Variants in C14orf39 observed in about 807,000 individuals in gnomAD.
The protein encoded by C14orf39 is chromosome 14 open reading frame 39, also known as protein SIX6OS1.
Under a neutral mutation model 85.6 loss-of-function variants are expected in C14orf39, and 66 were observed. The ratio of observed to expected loss-of-function variants is 0.77; its 90% CI spans 0.63 to 0.95. The LOEUF is 0.95. Ranked by LOEUF, C14orf39 falls within the 40% of genes least tolerant of loss-of-function variation. The pLI, the probability that C14orf39 is intolerant of heterozygous loss-of-function variation, is 0.00. For missense variants in C14orf39, 735 were observed against 663.9 expected, an observed-to-expected ratio of 1.11 and a Z score of -1.18; for synonymous variants, 242 against 214.0, an observed-to-expected ratio of 1.13 and a Z score of -1.14.
At chr14:60,510,150 G>A (rs1893268870) in intron 1 of C14orf39, among the ~76,000 whole-genome samples, 1 of 152,180 alleles carries the variant, frequency 6.6e-6, no homozygotes, top group Admixed American at 6.5e-5. Flanking sequence ...TGCCGGCTCT[G>A]CTTCCCCACC....
intron 1 of C14orf39, chr14:60,511,799 CTTAA>C (rs2140190363): frequency 6.2e-6 from 1 of 161,354 alleles, no homozygotes; most frequent in Non-Finnish European, 1.4e-5. Flanking sequence ...GGGCAACCTT[CTTAA>C]TTAAGGGAGC....
At chr14:60,446,399 C>T (rs1041065848) in intron 16 of C14orf39, among the ~76,000 whole-genome samples, 1 of 152,084 alleles carries the variant, frequency 6.6e-6, no homozygotes, top group Non-Finnish European at 1.5e-5. Flanking sequence ...TACAAAGTAC[C>T]ATCAGAGAAT....
intron 17 of C14orf39, 136 bp from the exon 18 acceptor site, chr14:60,437,183 T>C (rs558815948): frequency 7.9e-4 from 484 of 615,310 alleles, no homozygotes; most frequent in African/African-American, 4.2e-3. Flanking sequence ...AGGTATTTAA[T>C]TGTATTCCTC....
intron 1 of C14orf39, among the ~76,000 whole-genome samples, chr14:60,502,063 G>T (rs1893156014): frequency 6.6e-6 from 1 of 152,172 alleles, no homozygotes; most frequent in Admixed American, 6.5e-5. Flanking sequence ...GGAAGTCCTT[G>T]CTCTACTGCT....
At chr14:60,460,379 A>G (rs1022669837) in intron 13 of C14orf39, among the ~76,000 whole-genome samples, 1 of 151,816 alleles carries the variant, frequency 6.6e-6, no homozygotes, top group Non-Finnish European at 1.5e-5. Flanking sequence ...CCCAGAAGGA[A>G]TATCTGTGTG....
At chr14:60,452,928 C>CT (rs1435622281) in intron 16 of C14orf39, among the ~76,000 whole-genome samples, 1 of 152,136 alleles carries the variant, frequency 6.6e-6, no homozygotes, top group African/African-American at 2.4e-5. Context: ...AGAACATACT[C>CT]TGATTTCAAT....
chr14:60,473,495 T>C (rs1892208214), intron 5 of C14orf39, among the ~76,000 whole-genome samples: 2 of 152,182 alleles, frequency 1.3e-5, no homozygotes, highest in Non-Finnish European at 2.9e-5. Context: ...ATGACCTGAA[T>C]GGTATTGCCT....
At chr14:60,469,065 C>T (rs1334478201) in intron 8 of C14orf39, among the ~76,000 whole-genome samples, 1 of 151,220 alleles carries the variant, frequency 6.6e-6, no homozygotes, top group African/African-American at 2.4e-5. Context: ...CCAAATGTTT[C>T]CAAGAAAAGT....
chr14:60,507,920 C>T (rs1204281108), intron 1 of C14orf39, among the ~76,000 whole-genome samples: 1 of 152,158 alleles, frequency 6.6e-6, no homozygotes, highest in African/African-American at 2.4e-5. Flanking sequence ...ACCCCTACCA[C>T]AGGCCCAGAT....
chr14:60,501,370 A>C (rs1001042645), intron 1 of C14orf39, among the ~76,000 whole-genome samples: 3 of 151,490 alleles, frequency 2.0e-5, no homozygotes, highest in Non-Finnish European at 1.5e-5. Context: ...AAGAGTTTTC[A>C]CATCCACACA....
intron 16 of C14orf39, among the ~76,000 whole-genome samples, chr14:60,452,558 C>A (rs1031404099): frequency 6.6e-6 from 1 of 151,256 alleles, no homozygotes; most frequent in African/African-American, 2.4e-5. Context: ...AAAAACATAG[C>A]AAGAATTAAT....
chr14:60,511,018 T>G, intron 1 of C14orf39: 1 of 1,515,568 alleles, frequency 6.6e-7, no homozygotes, highest in Admixed American at 1.8e-5. Flanking sequence ...ACGCAGGAGG[T>G]GGTGGGGGCG....
At chr14:60,474,776 T>C (rs1892286588) in intron 5 of C14orf39, among the ~76,000 whole-genome samples, 1 of 152,028 alleles carries the variant, frequency 6.6e-6, no homozygotes, top group South Asian at 2.1e-4. Flanking sequence ...GGATAAGCTT[T>C]TTGATGTGCT....
upstream of C14orf39, among the ~76,000 whole-genome samples, chr14:60,489,139 T>G (rs975961594): frequency 6.6e-6 from 1 of 152,232 alleles, no homozygotes; most frequent in East Asian, 1.9e-4. Context: ...AATATTTATC[T>G]TTATATGCTT....
At chr14:60,490,531 G>A (rs1892973085), upstream of C14orf39, among the ~76,000 whole-genome samples, 1 of 151,950 alleles carries the variant, frequency 6.6e-6, no homozygotes, top group South Asian at 2.1e-4. Context: ...GGCTGGGGCG[G>A]GAAGATCACT....
In C14orf39 at chr14:60,484,819, G is replaced by T. The variant is rs1892804585; in HGVS notation, c.106+62C>A. On this transcript the variant is annotated intron_variant, in intron 3 of 17. Transcript: ENST00000321731. This position sits in a 1 kb window ranked among gnomAD's most constrained non-coding sequence, Gnocchi z 4.2. Reference sequence around the variant, plus strand: ...ATAAGTTGCCCTAAACAGAGCAATTGTATGTTATATGCCATAAGGAATTAA... The same window carrying T: ...ATAAGTTGCCCTAAACAGAGCAATTTTATGTTATATGCCATAAGGAATTAA... 1.7e-6 allele frequency: 2 copies of T among 1,199,644 alleles called. No individual in the cohort carries two copies. Among genetic ancestry groups the T allele is most frequent in the South Asian group, 1.3e-5 (1 of 75,256 alleles). 74.3% of individuals were successfully genotyped at this position (1,199,644 alleles called of 1,614,324 possible).
chr14:60,438,233 G>T (rs1250194007), intron 17 of C14orf39, among the ~76,000 whole-genome samples: 1 of 152,042 alleles, frequency 6.6e-6, no homozygotes, highest in African/African-American at 2.4e-5. Context: ...CCAGCAGTAA[G>T]ATGGGTGGAT....
chr14:60,487,302 G>T (rs1892913290), upstream of C14orf39, among the ~76,000 whole-genome samples: 1 of 152,062 alleles, frequency 6.6e-6, no homozygotes. Context: ...CCCAGCCACT[G>T]GCAACCACCA....
At chr14:60,489,592 ACTCT>A (rs1401976545), upstream of C14orf39, among the ~76,000 whole-genome samples, 1 of 151,856 alleles carries the variant, frequency 6.6e-6, no homozygotes, top group African/African-American at 2.4e-5. Context: ...CAATAGTGGA[ACTCT>A]CTCTCCTCTT....
Sources: gnomAD v4.1 joint callset for allele counts (sites outside exome capture counted in the v4.1 genomes callset) on GRCh38, gnomAD v4.1.1 for gene constraint, Gnocchi (gnomAD v3.1) non-coding constraint, MANE v1.5 for transcripts, NCBI Gene and HGNC (gene_info 2026-07-23, HGNC 2026-07-21) for gene names.